The following DST variants were observed in gnomAD, a reference collection of about 807,000 sequenced individuals.
DST encodes dystonin, also known as bullous pemphigoid antigen.
Under a neutral mutation model 875.2 loss-of-function variants are expected in DST, and 253 were observed. The ratio of observed to expected loss-of-function variants is 0.29; its 90% confidence interval spans 0.26 to 0.32. DST has a LOEUF of 0.32. Among genes scored for constraint, DST ranks in the 10% least tolerant of loss-of-function variants. The probability of loss-of-function intolerance (pLI) is 1.00; values close to 1 mark genes in which losing one functional copy is unlikely to be tolerated. For synonymous variants in DST, 3,124 were observed against 3,197.1 expected, an observed-to-expected ratio of 0.98 and a Z score of 0.77; for missense variants, 8,287 against 9,111.6, an observed-to-expected ratio of 0.91 and a Z score of 3.68.
chr6:56,878,113 C>G (rs182271777), intron 3 of DST, among the ~76,000 whole-genome samples: 22 of 152,280 alleles, frequency 1.4e-4, no homozygotes, highest in African/African-American at 4.8e-4. Context: ...CACGTTAGGA[C>G]AGTGTGACAC....
Position 56,537,983 on chromosome 6 carries a change from T to C in DST, c.16609-1043A>G, listed in dbSNP as rs115421502. 6.3e-3 allele frequency among the ~76,000 whole-genome samples: 958 copies of C among 151,890 alleles called. 6 individuals are homozygous for C. The highest frequency in any genetic ancestry group is 0.022 in the African/African-American group (922 of 41,212). On this transcript the variant is annotated intron_variant, in intron 61 of 103. Coordinates refer to ENST00000680361, the MANE Select transcript of DST (RefSeq NM_001374736.1). ...ATAATACTGGGAGTAGATACATCAA[T>C]ATTATGATTATTTTTTTGAGACATG... is the stretch of plus-strand genomic sequence containing the variant.
chr6:56,871,747 T>TCTG, intron 3 of DST: 1 of 468,070 alleles, frequency 2.1e-6, no homozygotes, highest in Non-Finnish European at 3.9e-6. Flanking sequence ...CAGGAGTAAA[T>TCTG]TCAGCGTTAA....
intron 5 of DST, among the ~76,000 whole-genome samples, chr6:56,713,504 G>C (rs2099384945): frequency 6.6e-6 from 1 of 152,150 alleles, no homozygotes. Context: ...ACCGAACAGT[G>C]AGCCACTTGC....
In DST at chr6:56,635,708, T is replaced by TGAA. The variant is rs1269232848; in HGVS notation, c.3064_3066dup (p.Phe1022dup). 5.6e-6 allele frequency: 9 copies of TGAA among 1,613,594 alleles called. No homozygotes were observed. The highest frequency in any genetic ancestry group is 5.9e-6 in the Non-Finnish European group (7 of 1,179,882). On this transcript the variant is annotated inframe_insertion, in exon 24 of 104. Transcript: ENST00000680361. ...TAATCAGTAGCTTCTTTGGCATCAT[T>TGAA]GAAAAACTAAGGAAAGATGAAACCT...
At chr6:56,684,838 G>T (rs746219592) in intron 9 of DST, among the ~76,000 whole-genome samples, 66 of 152,230 alleles carry the variant, frequency 4.3e-4, no homozygotes, top group Non-Finnish European at 8.1e-4. Flanking sequence ...GAGCTTCTCG[G>T]CTTCTATACT....
Position 56,651,160 on chromosome 6 carries a change from A to G in DST, c.1299T>C (p.Ile433=). 6.2e-7 allele frequency: 1 copy of G among 1,612,748 alleles called. No individual in the cohort carries two copies. Among genetic ancestry groups the G allele is most frequent in the Non-Finnish European group, 8.5e-7 (1 of 1,179,304 alleles). ...CAGGGTCCAGAAGTCTTATAACACC[A>G]ATTTTTTCTGCTACGTAAAAAGCAT... ...LEHAFYVAEK[I]GVIRLLDPED... The change falls in exon 11 of 104, where the codon ATT becomes ATC. Residue 433 remains isoleucine, a synonymous_variant. Transcript: ENST00000680361.
chr6:56,933,810 GAAGCCATTAAGCAAAGAA>G (rs1318367665), intron 2 of DST, among the ~76,000 whole-genome samples: 1 of 152,060 alleles, frequency 6.6e-6, no homozygotes, highest in Non-Finnish European at 1.5e-5. Flanking sequence ...TAAGCAACGG[GAAGCCATTAAGCAAAGAA>G]AAGCCATTAA....
intron 78 of DST, 73 bp from the exon 79 acceptor site, chr6:56,501,766 A>G: frequency 3.5e-6 from 4 of 1,156,508 alleles, no homozygotes; most frequent in Non-Finnish European, 4.8e-6. Flanking sequence ...TCTATTGGTT[A>G]TATCATTATT....
chr6:56,871,997 T>C (rs149952706), intron 3 of DST, among the ~76,000 whole-genome samples: 19 of 152,180 alleles, frequency 1.2e-4, no homozygotes, highest in African/African-American at 4.6e-4. Flanking sequence ...TGAAAAAGAG[T>C]TTGGCATTAT....
At chr6:56,473,849 T>G in intron 93 of DST, 24 bp downstream of exon 93, 3 of 1,575,232 alleles carry the variant, frequency 1.9e-6, no homozygotes, top group Non-Finnish European at 2.6e-6. Context: ...TATTGACATT[T>G]TAAAGAAATT....
At chr6:56,613,201 A>G (rs1253876983) in intron 37 of DST, among the ~76,000 whole-genome samples, 1 of 152,196 alleles carries the variant, frequency 6.6e-6, no homozygotes, top group Non-Finnish European at 1.5e-5. Context: ...TACATGAAAT[A>G]TATATATTAA....
chr6:56,648,448 T>C, intron 13 of DST, 122 bp downstream of exon 13: 1 of 847,868 alleles, frequency 1.2e-6, no homozygotes, highest in East Asian at 2.8e-5. Context: ...AAATTTTGCC[T>C]ACTTATTAAT....
intron 47 of DST, among the ~76,000 whole-genome samples, chr6:56,596,496 G>A (rs1278556384): frequency 6.6e-6 from 1 of 152,116 alleles, no homozygotes; most frequent in African/African-American, 2.4e-5. Flanking sequence ...AACTTTTCCT[G>A]ACTTCTTTGT....
intron 5 of DST, among the ~76,000 whole-genome samples, chr6:56,734,227 C>T (rs930532349): frequency 1.3e-5 from 2 of 152,200 alleles, no homozygotes; most frequent in Non-Finnish European, 2.9e-5. Flanking sequence ...TGTGCCCTCC[C>T]TGAGGGATAT....
At chr6:56,893,217 T>C (rs1004828104) in intron 3 of DST, among the ~76,000 whole-genome samples, 2 of 152,216 alleles carry the variant, frequency 1.3e-5, no homozygotes, top group African/African-American at 2.4e-5. Context: ...TGAGTCCTCA[T>C]AGCTTAGCTC....
rs1457656159 is a variant in DST at position 56,492,448 on chromosome 6, A to G, written c.20551-15T>C. 6.2e-7 allele frequency: 1 copy of G among 1,601,968 alleles called. No homozygotes were observed. The highest frequency in any genetic ancestry group is 1.7e-5 in the Admixed American group (1 of 57,548). On this transcript the variant is annotated splice_polypyrimidine_tract_variant and intron_variant, in intron 84 of 103. Transcript: ENST00000680361. ...TTGGCAAAAACCTTTCCCAGAAAAA[A>G]AGGAAATAAGTAGAAACAAATGAAA... is the stretch of plus-strand genomic sequence containing the variant.
intron 87 of DST, among the ~76,000 whole-genome samples, chr6:56,486,822 G>A (rs1294068958): frequency 1.3e-5 from 2 of 152,180 alleles, no homozygotes; most frequent in Non-Finnish European, 2.9e-5. Flanking sequence ...AGTGATAAAA[G>A]TGGACATGGG....
Position 56,605,576 on chromosome 6 carries a change from C to T in DST, c.9052G>A (p.Ala3018Thr). The change falls in exon 40 of 104, where the codon GCC (alanine) becomes ACC (threonine). Residue 3018 changes from alanine to threonine, a missense_variant. By Grantham distance (58) the Ala-to-Thr change is moderately conservative. Around this residue, in one of 10 missense-constraint regions of DST, gnomAD observed 3,138 missense variants for 3,116.6 expected, o/e 1.01. Transcript: ENST00000680361. ...PAEESHLSLI[A>T]SVTDKDPQGN... ...TGAGGATCTTTGTCAGTTACAGAGG[C>T]TATCAATGACAAATGGCTTTCCTCA... 1 of 1,613,082 alleles carries T rather than the reference C, an allele frequency of 6.2e-7. No homozygotes were observed. The highest frequency in any genetic ancestry group is 8.5e-7 in the Non-Finnish European group (1 of 1,179,366).
At chr6:56,693,875 TA>T (rs200372034) in intron 9 of DST, among the ~76,000 whole-genome samples, 8 of 151,608 alleles carry the variant, frequency 5.3e-5, no homozygotes, top group East Asian at 1.9e-4. Flanking sequence ...AAATTGTTTC[TA>T]AAAAAAATCA....
Sources: allele counts gnomAD v4.1 joint callset (sites outside exome capture counted in the v4.1 genomes callset), GRCh38; gene constraint gnomAD v4.1.1; regional missense constraint gnomAD v4.1.1; transcripts MANE v1.5; gene names NCBI Gene and HGNC (gene_info 2026-07-23, HGNC 2026-07-21).